The following UQCC1 variants were observed in gnomAD, a reference collection of about 807,000 sequenced individuals.
UQCC1 encodes ubiquinol-cytochrome c reductase complex assembly factor 1, also known as bFGF-repressed Zic-binding protein.
A neutral mutation model predicts 48.0 loss-of-function variants in UQCC1; 38 were observed. The ratio of observed to expected loss-of-function variants is 0.79; its 90% CI spans 0.61 to 1.04. UQCC1 has a LOEUF of 1.04. Among genes scored for constraint, UQCC1 ranks in the 50% least tolerant of loss-of-function variants. The probability of loss-of-function intolerance (pLI) is 0.00; values close to 1 mark genes in which losing one functional copy is unlikely to be tolerated. For missense variants in UQCC1, 368 were observed against 381.8 expected (o/e 0.96, Z 0.30); for synonymous variants, 111 against 129.2 (o/e 0.86, Z 0.95).
Position 35,355,002 on chromosome 20 carries a change from C to T in UQCC1, c.465-7730G>A, listed in dbSNP as rs528805618. ...TGTGAGCTATGCATACATTATGGCA[C>T]GGCACACTCACACCCACACCCACTC... On this transcript the variant is annotated intron_variant, in intron 6 of 9. Coordinates refer to ENST00000374385, the MANE Select transcript of UQCC1 (RefSeq NM_018244.5). 3.9e-5 allele frequency among the ~76,000 whole-genome samples: 6 copies of T among 152,108 alleles called. No individual in the cohort carries two copies. In the East Asian group the frequency reaches 5.8e-4, roughly 15 times the overall value.
intron 4 of UQCC1, among the ~76,000 whole-genome samples, chr20:35,374,983 G>C (rs948533877): frequency 2.0e-5 from 3 of 152,016 alleles, no homozygotes; most frequent in African/African-American, 7.3e-5. Flanking sequence ...AATTATTTAA[G>C]AGTTGACTTA....
chr20:35,390,528 G>T (rs1319335502), intron 2 of UQCC1, among the ~76,000 whole-genome samples: 1 of 151,812 alleles, frequency 6.6e-6, no homozygotes, highest in Admixed American at 6.6e-5. Flanking sequence ...ATAGAGATCT[G>T]TTGCAAAACA....
At chr20:35,350,675 C>T (rs1001529336) in intron 6 of UQCC1, among the ~76,000 whole-genome samples, 4 of 147,184 alleles carry the variant, frequency 2.7e-5, no homozygotes, top group Non-Finnish European at 4.5e-5. Context: ...GCCTGGGCGA[C>T]AGAGTGAGAT....
At chr20:35,384,952 G>A (rs1012787779) in intron 2 of UQCC1, among the ~76,000 whole-genome samples, 3 of 100,378 alleles carry the variant, frequency 3.0e-5, no homozygotes, top group African/African-American at 1.2e-4. Context: ...GGGCAACACA[G>A]CAAGAATCGG....
At chr20:35,306,582 C>A in intron 9 of UQCC1, 84 bp downstream of exon 9, 1 of 1,052,532 alleles carries the variant, frequency 9.5e-7, no homozygotes. Context: ...TCCTTGGTAA[C>A]TCCACCTCTC....
At chr20:35,342,553 G>A (rs1044207714) in intron 7 of UQCC1, among the ~76,000 whole-genome samples, 2 of 152,208 alleles carry the variant, frequency 1.3e-5, no homozygotes, top group African/African-American at 4.8e-5. Context: ...GCCTGCACCA[G>A]GAGAAAGTGC....
chr20:35,350,147 AG>A (rs2061474506), intron 6 of UQCC1, among the ~76,000 whole-genome samples: 1 of 152,180 alleles, frequency 6.6e-6, no homozygotes, highest in Admixed American at 6.5e-5. Flanking sequence ...TTAATTTTAG[AG>A]ACAGGGTCTT....
intron 2 of UQCC1, chr20:35,384,777 C>A (rs1427894834): frequency 2.6e-5 from 9 of 341,598 alleles, no homozygotes; most frequent in Non-Finnish European, 5.1e-5. Context: ...GAGAGCCTGG[C>A]CAATATGGTG....
In UQCC1 at chr20:35,384,270, G is replaced by A. The variant is rs1023405774; in HGVS notation, c.130-137C>T. The A allele has an allele frequency of 2.8e-5, 19 of 670,570 alleles. No homozygotes were observed. The African/African-American group carries it at 3.2e-4, about 11-fold the overall frequency. The allele number at this position is 670,570 out of a possible 1,614,324, so 41.5% of individuals were successfully genotyped here. ...TTCCCCGTGATCAGCTCACCAGGAA[G>A]ACCCAAGATCAGCACCTAGAAGGGT... On this transcript the variant is annotated intron_variant, in intron 2 of 9. Coordinates refer to ENST00000374385, the MANE Select transcript of UQCC1 (RefSeq NM_018244.5).
chr20:35,352,092 G>C (rs1702902732), intron 6 of UQCC1, among the ~76,000 whole-genome samples: 1 of 152,228 alleles, frequency 6.6e-6, no homozygotes, highest in Non-Finnish European at 1.5e-5. Context: ...GATGACTTTT[G>C]GCTGAGTAGA....
intron 4 of UQCC1, among the ~76,000 whole-genome samples, chr20:35,375,827 G>A (rs2061790668): frequency 6.6e-6 from 1 of 151,682 alleles, no homozygotes; most frequent in South Asian, 2.1e-4. Context: ...GGTGGTGTGT[G>A]CCTATAGTAC....
chr20:35,304,104 G>C (rs139274366), intron 9 of UQCC1, 35 bp from the exon 10 acceptor site: 1 of 1,613,476 alleles, frequency 6.2e-7, no homozygotes, highest in South Asian at 1.1e-5. Context: ...GGAAGCGACA[G>C]AGGCAGGGCA....
In UQCC1 at chr20:35,303,988, G is replaced by A. The variant is rs768915873; in HGVS notation, c.847C>T (p.Pro283Ser). The A allele has an allele frequency of 3.1e-6, 5 of 1,614,174 alleles. No homozygotes were observed. The East Asian group carries it at 6.7e-5, about 22-fold the overall frequency. The change falls in exon 10 of 10, where the codon CCT (proline) becomes TCT (serine). Residue 283 changes from proline (P) to serine (S), a missense_variant. Physicochemically the swap from Pro to Ser is moderately conservative, Grantham distance 74. Coordinates refer to ENST00000374385, the MANE Select transcript of UQCC1 (RefSeq NM_018244.5). ...GAATGGGGCTTCAGGATGCTCTGAG[G>A]ATTCTTCTCCACTAGAGGGCGCCAG... ...VSWRPLVEKN[P>S]QSILKPHSPT...
intron 7 of UQCC1, among the ~76,000 whole-genome samples, chr20:35,343,949 A>G (rs900700041): frequency 5.9e-5 from 9 of 152,218 alleles, no homozygotes; most frequent in Non-Finnish European, 2.9e-5. Context: ...GCAGCACCCT[A>G]TCTACAACAA....
chr20:35,383,475 C>T (rs1014872563), intron 3 of UQCC1, among the ~76,000 whole-genome samples: 2 of 151,990 alleles, frequency 1.3e-5, no homozygotes, highest in African/African-American at 2.4e-5. Context: ...TTTGGGAGGC[C>T]GAGGTGGGAG....
intron 5 of UQCC1, among the ~76,000 whole-genome samples, chr20:35,368,920 A>G (rs2146447103): frequency 6.6e-6 from 1 of 152,324 alleles, no homozygotes; most frequent in South Asian, 2.1e-4. Flanking sequence ...CCTAGACAAG[A>G]ATAGCCCTGA....
At chr20:35,345,311 A>G (rs564697369) in intron 7 of UQCC1, 2 of 152,312 alleles carry the variant, frequency 1.3e-5, no homozygotes, top group Admixed American at 1.3e-4. Flanking sequence ...TTGTGGGCAG[A>G]GCCCTCAACC....
At chr20:35,373,793 G>A (rs2061763014) in intron 5 of UQCC1, among the ~76,000 whole-genome samples, 1 of 151,536 alleles carries the variant, frequency 6.6e-6, no homozygotes, top group South Asian at 2.1e-4. Flanking sequence ...GGGAGATAAT[G>A]TCAAAGTACA....
chr20:35,347,726 G>T lies in UQCC1; in HGVS notation c.465-454C>A, dbSNP rs118168228. Among the ~76,000 whole-genome samples, 193 of 152,294 alleles carry T rather than the reference G, an allele frequency of 1.3e-3. 1 individual carries two copies. The highest frequency in any genetic ancestry group is 3.4e-3 in the Middle Eastern group (1 of 294). On this transcript the variant is annotated intron_variant, in intron 6 of 9. Transcript: ENST00000374385. ...TGCTGTCCAATACAGTGGCTCCCCT[G>T]TGGCTATTGAGCATTTTAAATACAG...
Sources: gnomAD v4.1 joint callset for allele counts (sites outside exome capture counted in the v4.1 genomes callset) on GRCh38, gnomAD v4.1.1 for gene constraint, MANE v1.5 for transcripts, NCBI Gene and HGNC (gene_info 2026-07-23, HGNC 2026-07-21) for gene names.